UNC13C: variants seen among roughly 807,000 people sequenced by gnomAD.
The protein encoded by UNC13C is unc-13 homolog C.
UNC13C carries 174 observed loss-of-function variants against 245.4 expected under a neutral mutation model. That is an observed-to-expected ratio of 0.71 (90% confidence interval 0.63 to 0.80). The LOEUF (loss-of-function observed/expected upper bound fraction) is 0.80, where lower values mean the gene tolerates loss of function less well. Among genes scored for constraint, UNC13C ranks in the 30% least tolerant of loss-of-function variants. The pLI is 0.00. For missense variants in UNC13C, 2,829 were observed against 2,602.9 expected (o/e 1.09, Z -1.89); for synonymous variants, 992 against 895.1 (o/e 1.11, Z -1.93).
chr15:53,905,650 A>T, the UNC13C span, among the ~76,000 whole-genome samples: 1 of 152,128 alleles, frequency 6.6e-6, no homozygotes, highest in African/African-American at 2.4e-5. Context: ...TTGGTCAAAG[A>T]GTACAAAAAG....
At chr15:54,155,223 T>C (rs1014420830) in intron 4 of UNC13C, among the ~76,000 whole-genome samples, 2 of 152,212 alleles carry the variant, frequency 1.3e-5, no homozygotes, top group Admixed American at 6.5e-5. Flanking sequence ...GGAGGCTCTT[T>C]GGCTATTCTG....
intron 30 of UNC13C, among the ~76,000 whole-genome samples, chr15:54,605,916 G>A (rs946841432): frequency 6.6e-6 from 1 of 152,134 alleles, no homozygotes; most frequent in African/African-American, 2.4e-5. Flanking sequence ...TTGCAAACAG[G>A]GAAAATAAAC....
intron 17 of UNC13C, among the ~76,000 whole-genome samples, chr15:54,380,873 T>C (rs1342383553): frequency 6.6e-6 from 1 of 152,172 alleles, no homozygotes; most frequent in Non-Finnish European, 1.5e-5. Context: ...CCTTATCAAA[T>C]GTATAGATGG....
chr15:53,845,934 G>T, the UNC13C span, among the ~76,000 whole-genome samples: 1 of 151,902 alleles, frequency 6.6e-6, no homozygotes, highest in Non-Finnish European at 1.5e-5. Flanking sequence ...ACTTTACAAT[G>T]CTACAAAAGC....
At chr15:54,177,308 A>C (rs1193716235) in intron 4 of UNC13C, among the ~76,000 whole-genome samples, 4 of 152,144 alleles carry the variant, frequency 2.6e-5, no homozygotes, top group Non-Finnish European at 5.9e-5. Flanking sequence ...TAATGACTGC[A>C]TTGATTCGTT....
intron 17 of UNC13C, among the ~76,000 whole-genome samples, chr15:54,374,591 G>A (rs947810056): frequency 7.9e-5 from 12 of 152,248 alleles, no homozygotes; most frequent in African/African-American, 2.7e-4. Flanking sequence ...AGGCATTTCT[G>A]AGCCTGCTGA....
Position 54,623,918 on chromosome 15 carries a change from A to T in UNC13C, c.6323A>T (p.Asn2108Ile), listed in dbSNP as rs1596703323. The T allele has an allele frequency of 6.2e-7, 1 of 1,613,312 alleles. No individual in the cohort carries two copies. The highest frequency in any genetic ancestry group is 2.2e-5 in the East Asian group (1 of 44,860). ...AAACAAGGCACAAAAACAAAAAGCA[A>T]CACATGGTCACCAAAGTACAATGAA... is the stretch of plus-strand genomic sequence containing the variant. ...KRKQGTKTKS[N>I]TWSPKYNETF... Residue 2108 changes from asparagine to isoleucine, a missense_variant, in exon 32 of 33, where the codon AAC (asparagine) becomes ATC (isoleucine). Asn to Ile is a moderately radical substitution (Grantham distance 149, BLOSUM62 -3). Transcript: ENST00000260323.
rs1280731067 is a variant in UNC13C at position 54,321,917 on chromosome 15, CTT to C, written c.4269-20_4269-19del. On this transcript the variant is annotated intron_variant, in intron 13 of 32. Transcript: ENST00000260323. Reference sequence around the variant, plus strand: ...TTAATTAATTTCTGTCTTAAAAACACTTTATGTTTTTTGTCTTTCAGGCACTT... The same window carrying C: ...TTAATTAATTTCTGTCTTAAAAACACTATGTTTTTTGTCTTTCAGGCACTT... The C allele has an allele frequency of 1.2e-5, 18 of 1,546,984 alleles. No homozygotes were observed. The highest frequency in any genetic ancestry group is 1.5e-5 in the Non-Finnish European group (17 of 1,145,608).
intron 2 of UNC13C, among the ~76,000 whole-genome samples, chr15:54,055,933 G>C (rs1169865729): frequency 1.3e-5 from 2 of 152,110 alleles, no homozygotes; most frequent in African/African-American, 4.8e-5. Context: ...AGAGAGTTGT[G>C]GGTACTCTCT....
At chr15:54,582,700 G>A (rs905363664) in intron 30 of UNC13C, among the ~76,000 whole-genome samples, 2 of 152,108 alleles carry the variant, frequency 1.3e-5, no homozygotes, top group Non-Finnish European at 2.9e-5. Context: ...AGTCCCCTGG[G>A]TAAATCAGTG....
At chr15:54,316,487 G>A (rs977079525) in intron 13 of UNC13C, among the ~76,000 whole-genome samples, 16 of 151,810 alleles carry the variant, frequency 1.1e-4, no homozygotes, top group Admixed American at 9.9e-4. Flanking sequence ...TCCTCACCAG[G>A]CTGTGATATA....
chr15:54,053,883 A>G (rs1897381489), intron 2 of UNC13C, among the ~76,000 whole-genome samples: 1 of 152,192 alleles, frequency 6.6e-6, no homozygotes, highest in African/African-American at 2.4e-5. Flanking sequence ...ATAAATGAGA[A>G]TATGTGAAGT....
chr15:54,387,491 T>C (rs2039863797), intron 17 of UNC13C, among the ~76,000 whole-genome samples: 1 of 152,136 alleles, frequency 6.6e-6, no homozygotes, highest in Non-Finnish European at 1.5e-5. Flanking sequence ...GTTGCTTTCT[T>C]CCCCATTTTG....
At chr15:53,904,576 A>C in the UNC13C span, among the ~76,000 whole-genome samples, 5 of 152,152 alleles carry the variant, frequency 3.3e-5, no homozygotes, top group African/African-American at 1.2e-4. Context: ...TTACTTTCAC[A>C]AAGTAATATT....
At chr15:54,135,378 G>T (rs1343327218) in intron 2 of UNC13C, among the ~76,000 whole-genome samples, 1 of 152,124 alleles carries the variant, frequency 6.6e-6, no homozygotes, top group African/African-American at 2.4e-5. Context: ...TGCTATCCCG[G>T]CCAATACGTT....
intron 10 of UNC13C, among the ~76,000 whole-genome samples, chr15:54,279,789 C>T (rs2036928362): frequency 1.3e-5 from 2 of 152,110 alleles, no homozygotes; most frequent in Admixed American, 1.3e-4. Flanking sequence ...TGAAGCTTTT[C>T]ATTAGAATGT....
chr15:54,445,871 C>A (rs1477192470), intron 19 of UNC13C, among the ~76,000 whole-genome samples: 2 of 152,132 alleles, frequency 1.3e-5, no homozygotes, highest in Non-Finnish European at 2.9e-5. Context: ...CTTGCCCATG[C>A]CTATGTCCGG....
intron 4 of UNC13C, among the ~76,000 whole-genome samples, chr15:54,154,929 A>C (rs1265783974): frequency 6.6e-6 from 1 of 152,252 alleles, no homozygotes; most frequent in African/African-American, 2.4e-5. Context: ...CTTTGTAAAT[A>C]CTAAGTTTCC....
chr15:54,477,983 C>G (rs1398018652), intron 19 of UNC13C, among the ~76,000 whole-genome samples: 1 of 149,250 alleles, frequency 6.7e-6, no homozygotes, highest in Non-Finnish European at 1.5e-5. Flanking sequence ...GCCACAATTT[C>G]AGATCCTGTT....
Sources: allele counts gnomAD v4.1 joint callset (sites outside exome capture counted in the v4.1 genomes callset), GRCh38; gene constraint gnomAD v4.1.1; transcripts MANE v1.5; gene names NCBI Gene and HGNC (gene_info 2026-07-23, HGNC 2026-07-21).